Variants in ZNF778 observed in about 807,000 individuals in gnomAD.
ZNF778 encodes zinc finger protein 778.
In ZNF778, 37 loss-of-function variants were observed where a neutral mutation model predicts 23.9. The ratio of observed to expected loss-of-function variants is 1.54; its 90% CI spans 1.19 to 2.03. ZNF778 has a LOEUF of 2.03. Ranked by LOEUF, ZNF778 falls within the 30% of genes most tolerant of loss-of-function variation. ZNF778 has a pLI of 0.00. For missense variants in ZNF778, 1,297 were observed against 934.4 expected (o/e 1.39, Z -5.06); for synonymous variants, 483 against 343.9 (o/e 1.40, Z -4.48).
rs745725204 is a variant in ZNF778, at chr16:89,228,256, C to T, written c.1968C>T (p.Ser656=). ...AGGAGTGTGGGAAAGCCTTTGCTTC[C>T]TCCTCACACCTTATCGAACACAGAA... The part of the protein sequence containing the change: ...ICKECGKAFA[S]SSHLIEHRRT... The change falls in exon 7 of 7, where the codon TCC becomes TCT. Residue 656 remains serine, a synonymous_variant. Coordinates refer to ENST00000433976, the MANE Select transcript of ZNF778 (RefSeq NM_001201407.2). The T allele has an allele frequency of 1.6e-5, 25 of 1,603,710 alleles. No homozygotes were observed. Among genetic ancestry groups the T allele is most frequent in the Non-Finnish European group, 1.9e-5 (22 of 1,171,762 alleles).
At position 89,230,286 on chromosome 16, in the gene ZNF778, A is replaced by C. The variant is rs1013837066; in HGVS notation, c.*1724A>C. ...GTTTCATGGCCGTGGAGGGAGAACCACCACCCCCCACGTGGGGAGGAGGGA... is the reference window on the plus strand; with the variant it reads ...GTTTCATGGCCGTGGAGGGAGAACCCCCACCCCCCACGTGGGGAGGAGGGA... On this transcript the variant is annotated 3_prime_UTR_variant, in exon 7 of 7. Transcript: ENST00000433976. The C allele has an allele frequency of 6.2e-6, 1 of 160,638 alleles. No individual in the cohort carries two copies. Among genetic ancestry groups the C allele is most frequent in the African/African-American group, 2.4e-5 (1 of 41,542 alleles). 10.0% of individuals were successfully genotyped at this position (160,638 alleles called of 1,614,324 possible).
chr16:89,219,114 TAAAAA>T (rs1286377235), intron 1 of ZNF778, among the ~76,000 whole-genome samples: 1 of 148,534 alleles, frequency 6.7e-6, no homozygotes, highest in East Asian at 1.9e-4. Context: ...CTCAAAAAAA[TAAAAA>T]AATAAAAAAA....
At chr16:89,221,290 C>A (rs1327270448) in intron 2 of ZNF778, 138 bp downstream of exon 2, 3 of 1,005,118 alleles carry the variant, frequency 3.0e-6, no homozygotes, top group African/African-American at 3.2e-5. Flanking sequence ...CCAGAGAATG[C>A]TGACCTGTAA....
In ZNF778 at chr16:89,227,820, G is replaced by A. The variant is rs993665361; in HGVS notation, c.1532G>A (p.Gly511Asp). The change falls in exon 7 of 7, where the codon GGC becomes GAC. Residue 511 changes from glycine (G) to aspartate (D), a missense_variant. Physicochemically the swap from Gly to Asp is moderately conservative, Grantham distance 94 (BLOSUM62 -1). Coordinates refer to ENST00000433976, the MANE Select transcript of ZNF778 (RefSeq NM_001201407.2). ...GEKPYECKQCGKAFTGRSGLT... is the reference protein window; with the variant it reads ...GEKPYECKQCDKAFTGRSGLT... ...AAACCCTACGAATGTAAGCAGTGTG[G>A]CAAAGCCTTCACAGGGCGCTCAGGC... 3.1e-6 allele frequency: 5 copies of A among 1,614,068 alleles called. No individual in the cohort carries two copies. The highest frequency in any genetic ancestry group is 4.2e-6 in the Non-Finnish European group (5 of 1,179,994).
At position 89,230,589 on chromosome 16, in the gene ZNF778, G is replaced by A. The variant is rs1030681634; in HGVS notation, c.*2027G>A. The A allele has an allele frequency of 1.3e-5, 2 of 152,280 alleles. No individual in the cohort carries two copies. The highest frequency in any genetic ancestry group is 6.5e-5 in the Admixed American group (1 of 15,278). 9.4% of individuals were successfully genotyped at this position (152,280 alleles called of 1,614,324 possible). A position where few individuals can be genotyped will look rare whatever the true frequency, so the allele number is the denominator to read the frequency against. On this transcript the variant is annotated 3_prime_UTR_variant, in exon 7 of 7. Coordinates refer to ENST00000433976, the MANE Select transcript of ZNF778 (RefSeq NM_001201407.2). ...GACCAGGGACACGGCTGGTCCTGAT[G>A]TTCTGTGGCGCTTGGCCCTGTCACT...
chr16:89,231,299 A>T lies in ZNF778; in HGVS notation c.*2737A>T, dbSNP rs1014380993. On this transcript the variant is annotated 3_prime_UTR_variant, in exon 7 of 7. Transcript: ENST00000433976. ...CAGGTCTCTGCTAGAACTGACTCAC[A>T]GTTGCCTGAGTCCAGAACTTGTGGG... is the stretch of plus-strand genomic sequence containing the variant. 6.6e-6 allele frequency: 1 copy of T among 152,174 alleles called. No homozygotes were observed. Among genetic ancestry groups the T allele is most frequent in the Non-Finnish European group, 1.5e-5 (1 of 68,028 alleles). The allele number at this position is 152,174 out of a possible 1,614,324, so 9.4% of individuals were successfully genotyped here. A position where few individuals can be genotyped will look rare whatever the true frequency, so the allele number is the denominator to read the frequency against.
In ZNF778 at chr16:89,233,997, C is replaced by G; in HGVS notation, c.*5435C>G. The G allele has an allele frequency of 8.3e-7, 1 of 1,200,050 alleles. No homozygotes were observed. The allele number at this position is 1,200,050 out of a possible 1,614,324, so 74.3% of individuals were successfully genotyped here. A position where few individuals can be genotyped will look rare whatever the true frequency, so the allele number is the denominator to read the frequency against. ...GCCCCAGACTTCATCCTGCCCTGTC[C>G]TGCCTTTCCTGTGAAAACCCTGTGG... On this transcript the variant is annotated 3_prime_UTR_variant, in exon 7 of 7. Coordinates refer to ENST00000433976, the MANE Select transcript of ZNF778 (RefSeq NM_001201407.2).
At position 89,226,801 on chromosome 16, in the gene ZNF778, C is replaced by T. The variant is rs751131090; in HGVS notation, c.513C>T (p.Asp171=). 5 of 1,613,874 alleles carry T rather than the reference C, an allele frequency of 3.1e-6. No homozygotes were observed. The highest frequency in any genetic ancestry group is 1.6e-4 in the Middle Eastern group (1 of 6,084). Reference sequence around the variant, plus strand: ...ACGTGAGAACTCAAAATACAGGAGACAGTTGTGTGTCTAATCATTATGAAA... The same window carrying T: ...ACGTGAGAACTCAAAATACAGGAGATAGTTGTGTGTCTAATCATTATGAAA... The part of the protein sequence containing the change: ...STHVRTQNTG[D]SCVSNHYERD... Residue 171 remains aspartate (D), a synonymous_variant, in exon 7 of 7, where the codon GAC becomes GAT. Coordinates refer to ENST00000433976, the MANE Select transcript of ZNF778 (RefSeq NM_001201407.2).
rs575672365 is a variant in ZNF778, at chr16:89,234,390, C to T, written c.*5828C>T. ...CAAAGTGGTTGTGAAACAGCATCTCCTTGGGGTGTTGGTTTGCACTTCTCT... is the reference window on the plus strand; with the variant it reads ...CAAAGTGGTTGTGAAACAGCATCTCTTTGGGGTGTTGGTTTGCACTTCTCT... On this transcript the variant is annotated 3_prime_UTR_variant, in exon 7 of 7. Coordinates refer to ENST00000433976, the MANE Select transcript of ZNF778 (RefSeq NM_001201407.2). 46 of 275,274 alleles carry T rather than the reference C, an allele frequency of 1.7e-4. No individual in the cohort carries two copies. The East Asian group carries it at 4.2e-3, about 25-fold the overall frequency. The allele number at this position is 275,274 out of a possible 1,614,324, so 17.1% of individuals were successfully genotyped here.
intron 2 of ZNF778, 99 bp downstream of exon 2, chr16:89,221,251 C>T (rs887311736): frequency 5.1e-6 from 7 of 1,368,596 alleles, no homozygotes; most frequent in African/African-American, 4.3e-5. Context: ...AGTCACGCTC[C>T]GGGTTCCTAT....
At position 89,226,911 on chromosome 16, in the gene ZNF778, G is replaced by T. The variant is rs1030383304; in HGVS notation, c.623G>T (p.Ser208Ile). The change falls in exon 7 of 7, where the codon AGC becomes ATC. Residue 208 changes from serine to isoleucine, a missense_variant. Physicochemically the swap from Ser to Ile is moderately radical, Grantham distance 142. Transcript: ENST00000433976. ...TTGGGTCAGTGTGGAAAAGCCTTCA[G>T]CTCTACTCCAAATGTTGTTTCCCAG... ...SVLGQCGKAF[S>I]STPNVVSQQA... 11 of 1,613,876 alleles carry T rather than the reference G, an allele frequency of 6.8e-6. No homozygotes were observed. The highest frequency in any genetic ancestry group is 9.3e-6 in the Non-Finnish European group (11 of 1,179,896).
chr16:89,226,816 T>C lies in ZNF778; in HGVS notation c.528T>C (p.Asn176=), dbSNP rs910474417. The change falls in exon 7 of 7, where the codon AAT becomes AAC. Residue 176 remains asparagine, a synonymous_variant. Coordinates refer to ENST00000433976, the MANE Select transcript of ZNF778 (RefSeq NM_001201407.2). The part of the protein sequence containing the change: ...TQNTGDSCVS[N]HYERDFFIPC... ...ATACAGGAGACAGTTGTGTGTCTAA[T>C]CATTATGAAAGGGACTTTTTTATTC... 6 of 1,613,892 alleles carry C rather than the reference T, an allele frequency of 3.7e-6. No homozygotes were observed. In the African/African-American group the frequency reaches 6.7e-5, roughly 18 times the overall value.
At position 89,234,024 on chromosome 16, in the gene ZNF778, C is replaced by G; in HGVS notation, c.*5462C>G. 2 of 1,050,158 alleles carry G rather than the reference C, an allele frequency of 1.9e-6. No individual in the cohort carries two copies. The highest frequency in any genetic ancestry group is 1.3e-5 in the South Asian group (1 of 76,360). The allele number at this position is 1,050,158 out of a possible 1,614,324, so 65.1% of individuals were successfully genotyped here. On this transcript the variant is annotated 3_prime_UTR_variant, in exon 7 of 7. Transcript: ENST00000433976. ...GCCTTTCCTGTGAAAACCCTGTGGC[C>G]TCTGCCTCCCCTGGCTCTGACTTCT... is the stretch of plus-strand genomic sequence containing the variant.
At chr16:89,222,652 C>T (rs1049548727) in intron 3 of ZNF778, among the ~76,000 whole-genome samples, 2 of 152,242 alleles carry the variant, frequency 1.3e-5, no homozygotes, top group African/African-American at 2.4e-5. Flanking sequence ...GCTTGCACCA[C>T]TGCGCCCAGC....
At position 89,232,523 on chromosome 16, in the gene ZNF778, G is replaced by T. The variant is rs1364483417; in HGVS notation, c.*3961G>T. 5.3e-6 allele frequency: 4 copies of T among 750,062 alleles called. No homozygotes were observed. The highest frequency in any genetic ancestry group is 3.7e-5 in the African/African-American group (2 of 54,050). 46.5% of individuals were successfully genotyped at this position (750,062 alleles called of 1,614,324 possible). ...CCTGTATTTCTCTTCCTAACTCTCA[G>T]AACGTGTTCTGTGTCACTTAGGGCA... is the stretch of plus-strand genomic sequence containing the variant. On this transcript the variant is annotated 3_prime_UTR_variant, in exon 7 of 7. Transcript: ENST00000433976.
chr16:89,223,196 C>G lies in ZNF778; in HGVS notation c.157C>G (p.Gln53Glu), dbSNP rs373310112. The G allele has an allele frequency of 6.2e-7, 1 of 1,613,882 alleles. No individual in the cohort carries two copies. Among genetic ancestry groups the G allele is most frequent in the Non-Finnish European group, 8.5e-7 (1 of 1,179,966 alleles). ...TFDDVAVDFTQEEWTLLDPSQ... is the reference protein window; with the variant it reads ...TFDDVAVDFTEEEWTLLDPSQ... ...TGACGACGTGGCTGTGGACTTCACCCAGGAGGAATGGACTTTACTGGACCC... is the reference window on the plus strand; with the variant it reads ...TGACGACGTGGCTGTGGACTTCACCGAGGAGGAATGGACTTTACTGGACCC... The change falls in exon 4 of 7, where the codon CAG becomes GAG. Residue 53 changes from glutamine to glutamate, a missense_variant. Coordinates refer to ENST00000433976, the MANE Select transcript of ZNF778 (RefSeq NM_001201407.2).
intron 2 of ZNF778, among the ~76,000 whole-genome samples, chr16:89,221,704 T>C (rs1374675962): frequency 1.3e-5 from 2 of 151,426 alleles, no homozygotes; most frequent in Non-Finnish European, 2.9e-5. Context: ...TGTGTGTGTT[T>C]TCCTGAGGCA....
chr16:89,233,715 C>T lies in ZNF778; in HGVS notation c.*5153C>T, dbSNP rs1369758075. ...ACTGCATATGCAACTCAACTCACTG[C>T]GTATGCAACTCAACTCGCACTGCAT... is the stretch of plus-strand genomic sequence containing the variant. On this transcript the variant is annotated 3_prime_UTR_variant, in exon 7 of 7. Coordinates refer to ENST00000433976, the MANE Select transcript of ZNF778 (RefSeq NM_001201407.2). 55 of 1,170,690 alleles carry T rather than the reference C, an allele frequency of 4.7e-5. No homozygotes were observed. The highest frequency in any genetic ancestry group is 6.0e-5 in the East Asian group (1 of 16,590). The allele number at this position is 1,170,690 out of a possible 1,614,324, so 72.5% of individuals were successfully genotyped here.
chr16:89,227,606 G>T lies in ZNF778; in HGVS notation c.1318G>T (p.Val440Leu), dbSNP rs376689299. 3 of 1,614,102 alleles carry T rather than the reference G, an allele frequency of 1.9e-6. No individual in the cohort carries two copies. The highest frequency in any genetic ancestry group is 1.7e-5 in the Admixed American group (1 of 60,014). The change falls in exon 7 of 7, where the codon GTA (valine) becomes TTA (leucine). Residue 440 changes from valine (V) to leucine (L), a missense_variant. Coordinates refer to ENST00000433976, the MANE Select transcript of ZNF778 (RefSeq NM_001201407.2). ...TGTGCGCTGTGGCCTTACTAGACAC[G>T]TACGAACACACACGGGCGAGAAGCC... ...FTVRCGLTRH[V>L]RTHTGEKPYT...
Sources: gnomAD v4.1 joint callset for allele counts (sites outside exome capture counted in the v4.1 genomes callset) on GRCh38, gnomAD v4.1.1 for gene constraint, MANE v1.5 for transcripts, NCBI Gene and HGNC (gene_info 2026-07-23, HGNC 2026-07-21) for gene names.